DOCK2: variants seen among roughly 807,000 people sequenced by gnomAD.
DOCK2 encodes the protein dedicator of cytokinesis protein 2.
In DOCK2, 87 loss-of-function variants were observed where a neutral mutation model predicts 248.9. The observed-to-expected ratio is 0.35, with a 90% CI of 0.29 to 0.42. The LOEUF is 0.42. DOCK2 is among the 10% of genes least tolerant of loss of function. The pLI is 1.00. For missense variants in DOCK2, 1,747 were observed against 2,300.2 expected (o/e 0.76, Z 4.92); for synonymous variants, 805 against 821.6 (o/e 0.98, Z 0.35).
chr5:170,029,069 G>A (rs1042133992), intron 34 of DOCK2, among the ~76,000 whole-genome samples: 6 of 152,036 alleles, frequency 3.9e-5, no homozygotes, highest in South Asian at 2.1e-4. Context: ...TGGACATAAC[G>A]TTTACAGTTC....
At chr5:169,903,311 TAAAAA>T (rs142632030) in intron 27 of DOCK2, among the ~76,000 whole-genome samples, 5 of 111,080 alleles carry the variant, frequency 4.5e-5, no homozygotes, top group African/African-American at 1.9e-4. Context: ...ACAACAACAA[TAAAAA>T]AAAAAAAAAA....
intron 22 of DOCK2, among the ~76,000 whole-genome samples, chr5:169,745,537 G>T (rs993574479): frequency 6.6e-6 from 1 of 152,250 alleles, no homozygotes. Flanking sequence ...GAGCAAAGCA[G>T]TGTGCAAAGA....
chr5:169,926,827 A>C (rs1775483701), intron 27 of DOCK2, among the ~76,000 whole-genome samples: 1 of 152,230 alleles, frequency 6.6e-6, no homozygotes, highest in Admixed American at 6.5e-5. Flanking sequence ...CAGTGGAAAC[A>C]CAGGATGAAC....
At chr5:169,915,109 A>G (rs1206914659) in intron 27 of DOCK2, among the ~76,000 whole-genome samples, 1 of 152,164 alleles carries the variant, frequency 6.6e-6, no homozygotes, top group Non-Finnish European at 1.5e-5. Context: ...AGGCCCCACT[A>G]CTTGAAAATT....
chr5:170,041,176 G>T (rs1172830064), intron 37 of DOCK2, 31 bp downstream of exon 37: 2 of 1,574,764 alleles, frequency 1.3e-6, no homozygotes, highest in Non-Finnish European at 1.7e-6. Context: ...GGGCATTTAT[G>T]CTGGGATCCT....
intron 27 of DOCK2, among the ~76,000 whole-genome samples, chr5:169,977,163 T>C (rs1777745456): frequency 6.6e-6 from 1 of 152,232 alleles, no homozygotes; most frequent in African/African-American, 2.4e-5. Context: ...CAACTGTTCC[T>C]GAATAAAAGA....
At chr5:169,813,472 T>A (rs556508390) in intron 26 of DOCK2, among the ~76,000 whole-genome samples, 1 of 152,246 alleles carries the variant, frequency 6.6e-6, no homozygotes, top group Admixed American at 6.5e-5. Flanking sequence ...ATTTTTTTCT[T>A]TCTGGAAAAA....
intron 26 of DOCK2, among the ~76,000 whole-genome samples, chr5:169,822,407 T>G (rs1451370061): frequency 6.6e-6 from 1 of 152,166 alleles, no homozygotes; most frequent in Non-Finnish European, 1.5e-5. Flanking sequence ...ACAGCAATTA[T>G]AACAAACTGT....
intron 1 of DOCK2, among the ~76,000 whole-genome samples, chr5:169,638,871 T>C (rs1477407414): frequency 6.6e-6 from 1 of 152,192 alleles, no homozygotes; most frequent in African/African-American, 2.4e-5. Flanking sequence ...TAAATTCAAT[T>C]GTCTTCAGAC....
intron 27 of DOCK2, among the ~76,000 whole-genome samples, chr5:169,880,899 A>C (rs1227096792): frequency 2.0e-5 from 3 of 152,226 alleles, no homozygotes; most frequent in African/African-American, 7.2e-5. Flanking sequence ...TAAAGTTCTT[A>C]TCATGGTTCT....
chr5:170,028,775 G>A (rs941333451), intron 34 of DOCK2, among the ~76,000 whole-genome samples: 33 of 150,564 alleles, frequency 2.2e-4, no homozygotes, highest in African/African-American at 4.2e-4. Flanking sequence ...ACACGCGTGC[G>A]CACACACACC....
At chr5:170,068,585 T>C (rs1757575573) in intron 45 of DOCK2, among the ~76,000 whole-genome samples, 1 of 152,156 alleles carries the variant, frequency 6.6e-6, no homozygotes. Context: ...CCTTGAGCAG[T>C]GATGGGATAT....
intron 34 of DOCK2, among the ~76,000 whole-genome samples, chr5:170,031,379 A>C (rs1395774332): frequency 6.6e-6 from 1 of 152,202 alleles, no homozygotes; most frequent in Non-Finnish European, 1.5e-5. Flanking sequence ...ATGCCAAGTG[A>C]AAATCAACTG....
intron 33 of DOCK2, among the ~76,000 whole-genome samples, chr5:170,026,522 G>C (rs1755922132): frequency 6.6e-6 from 1 of 152,172 alleles, no homozygotes; most frequent in Admixed American, 6.5e-5. Context: ...CCTTTGCGAA[G>C]CTCCCCTTTC....
intron 42 of DOCK2, among the ~76,000 whole-genome samples, chr5:170,056,069 A>T (rs553984759): frequency 2.0e-5 from 3 of 152,272 alleles, no homozygotes; most frequent in Non-Finnish European, 4.4e-5. Context: ...CAGAAACAGG[A>T]TCTGCTTTGC....
chr5:170,006,587 T>G (rs974964781), intron 30 of DOCK2, among the ~76,000 whole-genome samples: 1 of 152,204 alleles, frequency 6.6e-6, no homozygotes, highest in Non-Finnish European at 1.5e-5. Flanking sequence ...GAGAGCTGAC[T>G]TTAAGGGGGC....
chr5:169,947,656 A>C (rs1458781554), intron 27 of DOCK2, among the ~76,000 whole-genome samples: 4 of 152,222 alleles, frequency 2.6e-5, no homozygotes, highest in Non-Finnish European at 5.9e-5. Flanking sequence ...GAATATCCCC[A>C]AAAATGTAAA....
In DOCK2 at chr5:169,976,300, T is replaced by A. The variant is rs371536202; in HGVS notation, c.2800-6768T>A. ...GAGTCGGAAAGGCCTAAATTTTAGG[T>A]CCTATGTCACCATATACTAAAAGTC... On this transcript the variant is annotated intron_variant, in intron 27 of 51. Coordinates refer to ENST00000520908, the MANE Select transcript of DOCK2 (RefSeq NM_004946.3). Among the ~76,000 whole-genome samples the A allele has an allele frequency of 1.4e-4, 21 of 152,260 alleles. No individual in the cohort carries two copies. In the South Asian group the frequency reaches 4.4e-3, roughly 32 times the overall value.
chr5:170,047,663 G>A (rs760921809), intron 40 of DOCK2, 49 bp downstream of exon 40: 2 of 1,522,458 alleles, frequency 1.3e-6, no homozygotes, highest in Admixed American at 3.5e-5. Flanking sequence ...CAGGGCCTCG[G>A]CATCTCAGCG....
Sources: gnomAD v4.1 joint callset for allele counts (sites outside exome capture counted in the v4.1 genomes callset) on GRCh38, gnomAD v4.1.1 for gene constraint, MANE v1.5 for transcripts, NCBI Gene and HGNC (gene_info 2026-07-23, HGNC 2026-07-21) for gene names.